The following EP400 variants were observed in gnomAD, a reference collection of about 807,000 sequenced individuals.
EP400 encodes the protein E1A-binding protein p400.
In EP400, 105 loss-of-function variants were observed where a neutral mutation model predicts 354.1. The ratio of observed to expected loss-of-function variants is 0.30; its 90% CI spans 0.25 to 0.35. The LOEUF is 0.35. EP400 is among the 10% of genes least tolerant of loss of function. EP400 has a pLI of 1.00. For missense variants in EP400, 3,280 were observed against 4,121.0 expected (o/e 0.80, Z 5.59); for synonymous variants, 1,646 against 1,716.9 (o/e 0.96, Z 1.02).
chr12:131,993,252 T>C (rs899261191), intron 11 of EP400, among the ~76,000 whole-genome samples: 1 of 152,172 alleles, frequency 6.6e-6, no homozygotes, highest in African/African-American at 2.4e-5. Flanking sequence ...CTCAAACTCC[T>C]GACCTCAGGT....
At chr12:132,026,214 C>T (rs1329263896) in intron 25 of EP400, among the ~76,000 whole-genome samples, 2 of 152,220 alleles carry the variant, frequency 1.3e-5, no homozygotes, top group Non-Finnish European at 2.9e-5. Context: ...CCTGCTTCAC[C>T]TCTGAGTCCC....
chr12:131,980,200 T>C (rs1192770870), intron 3 of EP400, among the ~76,000 whole-genome samples: 1 of 152,240 alleles, frequency 6.6e-6, no homozygotes, highest in African/African-American at 2.4e-5. Context: ...GCTTGGTACC[T>C]GCCCACTCCC....
At chr12:132,028,419 T>G (rs1894379262) in intron 27 of EP400, 131 bp downstream of exon 27, 2 of 1,183,976 alleles carry the variant, frequency 1.7e-6, no homozygotes, top group Non-Finnish European at 2.4e-6. Flanking sequence ...GCGGTCTGTT[T>G]TGAAGTTAGT....
chr12:131,982,008 G>A, intron 4 of EP400, 85 bp from the exon 5 acceptor site: 6 of 1,467,704 alleles, frequency 4.1e-6, no homozygotes, highest in Non-Finnish European at 5.4e-6. Context: ...AAGCACTGGG[G>A]TGTTAGACGT....
intron 15 of EP400, among the ~76,000 whole-genome samples, chr12:132,009,432 C>G (rs1051490814): frequency 6.6e-6 from 1 of 152,136 alleles, no homozygotes; most frequent in Non-Finnish European, 1.5e-5. Flanking sequence ...GCTAATGACC[C>G]AGCATAGTGA....
Position 132,018,347 on chromosome 12 carries a change from A to T in EP400, c.4248A>T (p.Arg1416=). The T allele has an allele frequency of 1.2e-6, 2 of 1,609,414 alleles. No homozygotes were observed. The highest frequency in any genetic ancestry group is 1.7e-6 in the Non-Finnish European group (2 of 1,178,716). The change falls in exon 21 of 53, where the codon CGA becomes CGT. Residue 1416 remains arginine, a synonymous_variant. Coordinates refer to ENST00000389561, the MANE Select transcript of EP400 (RefSeq NM_015409.5). This position sits in a 1 kb window ranked among gnomAD's most constrained non-coding sequence, Gnocchi z 4.0. ...CCACTTCAGCAGCCCCAGCAGCCCGACCAGCAGCAGCAAAGCTGAAGGCCA... is the reference window on the plus strand; with the variant it reads ...CCACTTCAGCAGCCCCAGCAGCCCGTCCAGCAGCAGCAAAGCTGAAGGCCA... ...EISTSAAPAA[R]PAAAKLKASR...
Position 132,064,718 on chromosome 12 carries a change from C to G in EP400, c.8385C>G (p.Pro2795=), listed in dbSNP as rs145508334. 6.2e-7 allele frequency: 1 copy of G among 1,613,552 alleles called. No individual in the cohort carries two copies. Among genetic ancestry groups the G allele is most frequent in the East Asian group, 2.2e-5 (1 of 44,866 alleles). ...AGAAACTGCAGATGCCCCCGCAGCCCCCACCGCCACAGGCCCAGTCTGCGC... is the reference window on the plus strand; with the variant it reads ...AGAAACTGCAGATGCCCCCGCAGCCGCCACCGCCACAGGCCCAGTCTGCGC... ...QKQKLQMPPQ[P]PPPQAQSAPP... Residue 2795 remains proline, a synonymous_variant, in exon 48 of 53, where the codon CCC becomes CCG. Transcript: ENST00000389561.
intron 2 of EP400, among the ~76,000 whole-genome samples, chr12:131,979,115 G>T (rs1892587877): frequency 6.6e-6 from 1 of 151,900 alleles, no homozygotes; most frequent in Non-Finnish European, 1.5e-5. Context: ...TACTCGGGAG[G>T]CTGAGGCAGG....
rs1329042560 is a variant in EP400 at position 132,075,335 on chromosome 12, G to A, written c.9022-1181G>A. On this transcript the variant is annotated intron_variant, in intron 51 of 52. Coordinates refer to ENST00000389561, the MANE Select transcript of EP400 (RefSeq NM_015409.5). This position sits in a 1 kb window ranked among gnomAD's most constrained non-coding sequence, Gnocchi z 4.5. ...TGGCCAGCGATCCCGGGCAGAGGTTGTGCAGCTTTTCTGCTCCGTGACTCG... is the reference window on the plus strand; with the variant it reads ...TGGCCAGCGATCCCGGGCAGAGGTTATGCAGCTTTTCTGCTCCGTGACTCG... 2.6e-5 allele frequency among the ~76,000 whole-genome samples: 4 copies of A among 152,150 alleles called. No individual in the cohort carries two copies. The highest frequency in any genetic ancestry group is 9.7e-5 in the African/African-American group (4 of 41,442).
At chr12:131,952,089 T>C (rs1891524047) in intron 1 of EP400, among the ~76,000 whole-genome samples, 1 of 151,220 alleles carries the variant, frequency 6.6e-6, no homozygotes, top group Admixed American at 6.6e-5. Flanking sequence ...CACCTGGCCT[T>C]TTTTTTTGTA....
chr12:132,045,195 G>A, intron 37 of EP400, 124 bp from the exon 38 acceptor site: 2 of 1,467,312 alleles, frequency 1.4e-6, no homozygotes, highest in South Asian at 1.4e-5. Context: ...TCTTTGGCAG[G>A]TGCTTTCTGT....
In EP400 at chr12:132,066,923, C is replaced by T. The variant is rs1241581126; in HGVS notation, c.8703C>T (p.Asn2901=). The change falls in exon 49 of 53, where the codon AAC becomes AAT. Residue 2901 remains asparagine, a synonymous_variant. Transcript: ENST00000389561. ...CGGGAGTCACCACCCTGCCCATGAACGTCGCGGGGATCAGCGTGGCGATCG... is the reference window on the plus strand; with the variant it reads ...CGGGAGTCACCACCCTGCCCATGAATGTCGCGGGGATCAGCGTGGCGATCG... ...SSPGVTTLPM[N]VAGISVAIGQ... is the part of the protein sequence containing the mutation. 6 of 1,610,048 alleles carry T rather than the reference C, an allele frequency of 3.7e-6. No homozygotes were observed. The highest frequency in any genetic ancestry group is 1.1e-5 in the South Asian group (1 of 90,730).
Position 132,044,733 on chromosome 12 carries a change from C to T in EP400, c.6630+18C>T, listed in dbSNP as rs1895026613. 6.2e-7 allele frequency: 1 copy of T among 1,614,194 alleles called. No individual in the cohort carries two copies. Among genetic ancestry groups the T allele is most frequent in the Non-Finnish European group, 8.5e-7 (1 of 1,180,044 alleles). Reference sequence around the variant, plus strand: ...TCATGCCGGTGAGTGCTGCCCTCTCCCTTTGTGTCTGTGTGGGCAGCTTCC... The same window carrying T: ...TCATGCCGGTGAGTGCTGCCCTCTCTCTTTGTGTCTGTGTGGGCAGCTTCC... On this transcript the variant is annotated intron_variant, in intron 36 of 52. Coordinates refer to ENST00000389561, the MANE Select transcript of EP400 (RefSeq NM_015409.5).
At chr12:131,950,958 G>C (rs1397816847) in intron 1 of EP400, among the ~76,000 whole-genome samples, 2 of 152,026 alleles carry the variant, frequency 1.3e-5, no homozygotes, top group African/African-American at 4.8e-5. Flanking sequence ...GGAGTGCAGT[G>C]GCGCGATCTC....
intron 2 of EP400, among the ~76,000 whole-genome samples, chr12:131,965,852 A>G (rs1320247395): frequency 6.6e-6 from 1 of 152,096 alleles, no homozygotes; most frequent in Non-Finnish European, 1.5e-5. Context: ...CAGTTTGTTT[A>G]TCCATTTACC....
At chr12:131,979,567 G>T in intron 2 of EP400, 127 bp from the exon 3 acceptor site, 1 of 681,752 alleles carries the variant, frequency 1.5e-6, no homozygotes. Context: ...TTAAAGACAC[G>T]GGGTAGATAA....
intron 12 of EP400, among the ~76,000 whole-genome samples, chr12:132,000,694 A>G (rs1035502665): frequency 5.9e-5 from 9 of 152,184 alleles, no homozygotes; most frequent in Non-Finnish European, 1.2e-4. Context: ...GTTTTACTTG[A>G]TTCTAGATAA....
rs1458131962 is a variant in EP400, at chr12:132,070,280, G to C, written c.9021+639G>C. The stretch of plus-strand genomic sequence containing the variant: ...GCTAGTCTTACATCCTCTGGGAATT[G>C]GTTTTTGGGTCTGAGATAGAAACAG... On this transcript the variant is annotated intron_variant, in intron 51 of 52. Transcript: ENST00000389561. The surrounding 1 kb of genome is among the most constrained non-coding windows in gnomAD (Gnocchi z 4.1). Among the ~76,000 whole-genome samples, 3 of 152,208 alleles carry C rather than the reference G, an allele frequency of 2.0e-5. No individual in the cohort carries two copies. The highest frequency in any genetic ancestry group is 7.2e-5 in the African/African-American group (3 of 41,450).
At chr12:132,002,013 T>A (rs575904793) in intron 12 of EP400, among the ~76,000 whole-genome samples, 2 of 152,356 alleles carry the variant, frequency 1.3e-5, no homozygotes, top group South Asian at 4.1e-4. Flanking sequence ...CTGGATGGCT[T>A]GCCGCCCACA....
Sources: allele counts gnomAD v4.1 joint callset (sites outside exome capture counted in the v4.1 genomes callset), GRCh38; gene constraint gnomAD v4.1.1; non-coding constraint Gnocchi (gnomAD v3.1); transcripts MANE v1.5; gene names NCBI Gene and HGNC (gene_info 2026-07-23, HGNC 2026-07-21).